Variants in ADAMTS16 observed in about 807,000 individuals in gnomAD.
The protein encoded by ADAMTS16 is ADAM metallopeptidase with thrombospondin type 1 motif 16, also known as A disintegrin and metalloproteinase with thrombospondin motifs 16.
Under a neutral mutation model 145.8 loss-of-function variants are expected in ADAMTS16, and 94 were observed. That is an observed-to-expected ratio of 0.64 (90% confidence interval 0.55 to 0.77). The LOEUF is 0.77. ADAMTS16 is among the 30% of genes least tolerant of loss of function. The probability of loss-of-function intolerance (pLI) is 0.00; values close to 1 mark genes in which losing one functional copy is unlikely to be tolerated. For synonymous variants in ADAMTS16, 659 were observed against 604.3 expected, an observed-to-expected ratio of 1.09 and a Z score of -1.33; for missense variants, 1,585 against 1,591.5, an observed-to-expected ratio of 1.00 and a Z score of 0.07.
At chr5:5,226,066 T>C (rs1338946128) in intron 11 of ADAMTS16, among the ~76,000 whole-genome samples, 1 of 152,238 alleles carries the variant, frequency 6.6e-6, no homozygotes, top group African/African-American at 2.4e-5. Context: ...CGCATCTCTC[T>C]ATTTAGAATC....
intron 17 of ADAMTS16, among the ~76,000 whole-genome samples, chr5:5,244,814 A>G (rs1737392875): frequency 6.6e-6 from 1 of 152,216 alleles, no homozygotes; most frequent in South Asian, 2.1e-4. Flanking sequence ...TTGAAATATC[A>G]GCAATGAGGA....
chr5:5,298,886 G>C (rs770708612), intron 18 of ADAMTS16, among the ~76,000 whole-genome samples: 1 of 152,164 alleles, frequency 6.6e-6, no homozygotes, highest in African/African-American at 2.4e-5. Context: ...TCAGTGACAC[G>C]AATGGTTTAA....
intron 17 of ADAMTS16, 151 bp downstream of exon 17, chr5:5,242,342 T>A: frequency 8.9e-7 from 1 of 1,123,846 alleles, no homozygotes; most frequent in South Asian, 1.8e-5. Flanking sequence ...GTGGTGGTCC[T>A]GAGTGTCACT....
intron 17 of ADAMTS16, among the ~76,000 whole-genome samples, chr5:5,253,277 A>G (rs1374936719): frequency 1.3e-5 from 2 of 152,198 alleles, no homozygotes; most frequent in East Asian, 1.9e-4. Context: ...ACATTAATCA[A>G]TATGTGTAAG....
intron 17 of ADAMTS16, among the ~76,000 whole-genome samples, chr5:5,251,395 G>A (rs1737616734): frequency 6.6e-6 from 1 of 152,198 alleles, no homozygotes; most frequent in Non-Finnish European, 1.5e-5. Flanking sequence ...ATATATCCAA[G>A]TGCTATTCCT....
At chr5:5,201,689 ATAGCT>A (rs3058415) in intron 9 of ADAMTS16, among the ~76,000 whole-genome samples, 24,692 of 152,006 alleles carry the variant, frequency 0.16, 2,204 homozygotes, top group African/African-American at 0.24. Context: ...GAAGAAAAAA[ATAGCT>A]TAGCAGCACC....
At chr5:5,251,155 A>AAATCATTCC (rs1737612319) in intron 17 of ADAMTS16, among the ~76,000 whole-genome samples, 1 of 152,206 alleles carries the variant, frequency 6.6e-6, no homozygotes, top group Non-Finnish European at 1.5e-5. Flanking sequence ...TAAAGAACAC[A>AAATCATTCC]AATCATTCCT....
intron 2 of ADAMTS16, among the ~76,000 whole-genome samples, chr5:5,143,139 A>G (rs972281519): frequency 2.0e-5 from 3 of 152,222 alleles, no homozygotes; most frequent in African/African-American, 7.2e-5. Flanking sequence ...AGATCTAATT[A>G]AACTAAAGAG....
chr5:5,302,876 G>C (rs551897370), intron 18 of ADAMTS16, among the ~76,000 whole-genome samples: 52 of 152,294 alleles, frequency 3.4e-4, no homozygotes, highest in African/African-American at 1.2e-3. Context: ...AAACGCTGTA[G>C]GGGTTGGGGG....
intron 12 of ADAMTS16, among the ~76,000 whole-genome samples, chr5:5,233,649 A>G (rs1472181777): frequency 1.3e-5 from 2 of 152,164 alleles, no homozygotes; most frequent in Non-Finnish European, 2.9e-5. Flanking sequence ...GGCTCCATCC[A>G]TGTTCCTGCA....
intron 3 of ADAMTS16, among the ~76,000 whole-genome samples, chr5:5,153,345 C>T (rs1012969341): frequency 6.6e-6 from 1 of 152,194 alleles, no homozygotes; most frequent in Non-Finnish European, 1.5e-5. Context: ...CTTCAAGAGT[C>T]GTTTATCATT....
intron 21 of ADAMTS16, among the ~76,000 whole-genome samples, chr5:5,313,992 T>C (rs1740564854): frequency 1.3e-5 from 2 of 152,200 alleles, no homozygotes; most frequent in South Asian, 2.1e-4. Context: ...AAGGTGACCA[T>C]GCACACCTCC....
rs989913894 is a variant in ADAMTS16 at position 5,140,353 on chromosome 5, G to C, written c.-115G>C. 2.0e-5 allele frequency: 21 copies of C among 1,056,464 alleles called. No homozygotes were observed. In the African/African-American group the frequency reaches 3.1e-4, roughly 15 times the overall value. The allele number at this position is 1,056,464 out of a possible 1,614,324, so 65.4% of individuals were successfully genotyped here. ...TCAGTAATAACCCCGGCGCGGCGGC[G>C]GAGTCGCTGTGGGGAATCCTCCCGC... On this transcript the variant is annotated 5_prime_UTR_variant, in exon 1 of 23. Transcript: ENST00000274181.
Position 5,185,208 on chromosome 5 carries a change from AC to A in ADAMTS16, c.764-843del, listed in dbSNP as rs200774201. The stretch of plus-strand genomic sequence containing the variant: ...AAGTATGTTAGCAAAGGAAAATGAA[AC>A]GTGTTGGATGTACTAGTCAAACAAA... On this transcript the variant is annotated intron_variant, in intron 4 of 22. Coordinates refer to ENST00000274181, the MANE Select transcript of ADAMTS16 (RefSeq NM_139056.4). Among the ~76,000 whole-genome samples, 806 of 152,328 alleles carry A rather than the reference AC, an allele frequency of 5.3e-3. 28 individuals are homozygous for A. The highest frequency in any genetic ancestry group is 0.05 in the Admixed American group (767 of 15,300).
chr5:5,179,394 G>C (rs1413889373), intron 3 of ADAMTS16, among the ~76,000 whole-genome samples: 2 of 151,982 alleles, frequency 1.3e-5, no homozygotes, highest in Admixed American at 6.6e-5. Context: ...TGTTGTTATT[G>C]GTTTAAGCCA....
intron 13 of ADAMTS16, among the ~76,000 whole-genome samples, chr5:5,235,637 C>A (rs1737084693): frequency 1.3e-5 from 2 of 152,162 alleles, no homozygotes; most frequent in South Asian, 4.1e-4. Context: ...TTCAGAAAGT[C>A]TTGATCTATA....
chr5:5,294,085 C>G (rs1739436449), intron 18 of ADAMTS16, among the ~76,000 whole-genome samples: 2 of 152,190 alleles, frequency 1.3e-5, no homozygotes, highest in Admixed American at 1.3e-4. Context: ...GCTGGAAATA[C>G]TTCTTCTTGG....
In ADAMTS16 at chr5:5,320,279, T is replaced by C. The variant is rs1051187971; in HGVS notation, c.*1141T>C. 3 of 244,592 alleles carry C rather than the reference T, an allele frequency of 1.2e-5. No individual in the cohort carries two copies. The highest frequency in any genetic ancestry group is 2.3e-5 in the Non-Finnish European group (3 of 127,770). 15.2% of individuals were successfully genotyped at this position (244,592 alleles called of 1,614,324 possible). On this transcript the variant is annotated 3_prime_UTR_variant, in exon 23 of 23. Transcript: ENST00000274181. The surrounding 1 kb of genome is among the most constrained non-coding windows in gnomAD (Gnocchi z 5.1). ...GATATTTATATTTGCTGAAGTTTTA[T>C]AATAAAGTTTATATGGTACAGTGTG...
chr5:5,259,898 C>A (rs10475292), intron 17 of ADAMTS16, among the ~76,000 whole-genome samples: 3 of 151,886 alleles, frequency 2.0e-5, no homozygotes, highest in Admixed American at 6.5e-5. Flanking sequence ...GTGTCATCCC[C>A]TTTCAAAGGC....
Sources: allele counts gnomAD v4.1 joint callset (sites outside exome capture counted in the v4.1 genomes callset), GRCh38; gene constraint gnomAD v4.1.1; non-coding constraint Gnocchi (gnomAD v3.1); transcripts MANE v1.5; gene names NCBI Gene and HGNC (gene_info 2026-07-23, HGNC 2026-07-21).